The following RPL37A variants were observed in gnomAD, a reference collection of about 807,000 sequenced individuals.
RPL37A encodes the protein large ribosomal subunit protein eL43.
A neutral mutation model predicts 13.6 loss-of-function variants in RPL37A; 5 were observed. That is an observed-to-expected ratio of 0.37 (90% CI 0.19 to 0.78). RPL37A has a LOEUF of 0.78. Among genes scored for constraint, RPL37A ranks in the 30% least tolerant of loss-of-function variants. The pLI is 0.49. For missense variants in RPL37A, 77 were observed against 120.0 expected, an observed-to-expected ratio of 0.64 and a Z score of 1.67; for synonymous variants, 50 against 44.4, an observed-to-expected ratio of 1.13 and a Z score of -0.50.
Position 216,501,564 on chromosome 2 carries a change from C to A in RPL37A, c.*160C>A, listed in dbSNP as rs1351416354. ...CATGCCAAGATGGATTATTGTAATTCAGTGTCTTTTTTAGTAGTCAAATGG... is the reference window on the plus strand; with the variant it reads ...CATGCCAAGATGGATTATTGTAATTAAGTGTCTTTTTTAGTAGTCAAATGG... On this transcript the variant is annotated 3_prime_UTR_variant, in exon 4 of 4. Coordinates refer to ENST00000491306, the MANE Select transcript of RPL37A (RefSeq NM_000998.5). The A allele has an allele frequency of 9.5e-6, 5 of 524,536 alleles. No individual in the cohort carries two copies. The highest frequency in any genetic ancestry group is 1.3e-5 in the Non-Finnish European group (4 of 296,438). 32.5% of individuals were successfully genotyped at this position (524,536 alleles called of 1,614,324 possible).
At position 216,499,213 on chromosome 2, in the gene RPL37A, TC is replaced by T. The variant is rs1559144633; in HGVS notation, c.4-55del. 10 of 1,578,930 alleles carry T rather than the reference TC, an allele frequency of 6.3e-6. No homozygotes were observed. The East Asian group carries it at 1.8e-4, about 28-fold the overall frequency. On this transcript the variant is annotated intron_variant, in intron 1 of 3. Transcript: ENST00000491306. ...AGGTGGAGGAACGGTGTGTGGAGGCTCCAGGGCCTGCCTGGGTTCCAGGTCT... is the reference window on the plus strand; with the variant it reads ...AGGTGGAGGAACGGTGTGTGGAGGCTCAGGGCCTGCCTGGGTTCCAGGTCT...
At chr2:216,499,424 G>C in intron 2 of RPL37A, 26 bp downstream of exon 2, 1 of 1,611,956 alleles carries the variant, frequency 6.2e-7, no homozygotes, top group Non-Finnish European at 8.5e-7. Flanking sequence ...TCTCTGGTGA[G>C]AGGAGAGGGA....
At chr2:216,499,618 T>C (rs1472245094) in intron 2 of RPL37A, 1 of 652,202 alleles carries the variant, frequency 1.5e-6, no homozygotes, top group African/African-American at 1.8e-5. Context: ...ATGGGTAAAA[T>C]AATCATTTGA....
intron 2 of RPL37A, 125 bp from the exon 3 acceptor site, chr2:216,499,824 T>C (rs1260361798): frequency 1.2e-6 from 1 of 850,214 alleles, no homozygotes; most frequent in Non-Finnish European, 2.0e-6. Flanking sequence ...CCCTGTTTTG[T>C]TTTTGAGGGA....
At chr2:216,500,128 G>A in intron 3 of RPL37A, 97 bp downstream of exon 3, 1 of 863,274 alleles carries the variant, frequency 1.2e-6, no homozygotes, top group South Asian at 1.4e-5. Context: ...ACTTTCTCAG[G>A]ACTGAGAGAA....
chr2:216,502,172 C>T lies in RPL37A; in HGVS notation c.*768C>T, dbSNP rs769634369. 6.6e-6 allele frequency: 1 copy of T among 151,636 alleles called. No homozygotes were observed. Among genetic ancestry groups the T allele is most frequent in the Non-Finnish European group, 1.5e-5 (1 of 67,952 alleles). The allele number at this position is 151,636 out of a possible 1,614,324, so 9.4% of individuals were successfully genotyped here. On this transcript the variant is annotated 3_prime_UTR_variant, in exon 4 of 4. Coordinates refer to ENST00000491306, the MANE Select transcript of RPL37A (RefSeq NM_000998.5). ...CAAAAACCCGTCTCGACGAAAAATA[C>T]AAAAAATAGCTTGGTATGGTGGCAC...
rs763808936 is a variant in RPL37A at position 216,499,951 on chromosome 2, C to G, written c.135C>G (p.Thr45=). ...AKYTCSFCGK[T]KMKRRAVGIW... is the part of the protein sequence containing the mutation. ...TGAAAATTGGTTCTCTTTTATAGAC[C>G]AAGATGAAGAGACGAGCTGTGGGGA... Residue 45 remains threonine (T), a splice_region_variant and synonymous_variant, in exon 3 of 4, where the codon ACC becomes ACG. Transcript: ENST00000491306. 1 of 1,613,448 alleles carries G rather than the reference C, an allele frequency of 6.2e-7. No homozygotes were observed. The highest frequency in any genetic ancestry group is 8.5e-7 in the Non-Finnish European group (1 of 1,179,450).
rs284572 is a variant in RPL37A, at chr2:216,499,816, C to A, written c.133-133C>A. On this transcript the variant is annotated intron_variant, in intron 2 of 3. Coordinates refer to ENST00000491306, the MANE Select transcript of RPL37A (RefSeq NM_000998.5). Reference sequence around the variant, plus strand: ...GCAAAATACTGCATTACAGCAATCCCTGTTTTGTTTTTGAGGGAGAAAGGG... The same window carrying A: ...GCAAAATACTGCATTACAGCAATCCATGTTTTGTTTTTGAGGGAGAAAGGG... The A allele has an allele frequency of 4.9e-5, 39 of 798,402 alleles. No individual in the cohort carries two copies. The African/African-American group carries it at 6.1e-4, about 12-fold the overall frequency. The allele number at this position is 798,402 out of a possible 1,614,324, so 49.5% of individuals were successfully genotyped here. A position where few individuals can be genotyped will look rare whatever the true frequency, so the allele number is the denominator to read the frequency against.
At chr2:216,499,126 G>C in intron 1 of RPL37A, 144 bp from the exon 2 acceptor site, 2 of 1,254,614 alleles carry the variant, frequency 1.6e-6, no homozygotes, top group Non-Finnish European at 2.2e-6. Flanking sequence ...CACTGGTTTC[G>C]TTGGGTTGAA....
chr2:216,499,919 T>A (rs749586898), intron 2 of RPL37A, 30 bp from the exon 3 acceptor site: 3 of 1,571,184 alleles, frequency 1.9e-6, no homozygotes, highest in South Asian at 1.1e-5. Flanking sequence ...ACTTACTTGG[T>A]TCATAGTGAA....
rs1244471646 is a variant in RPL37A at position 216,502,794 on chromosome 2, C to G, written c.*1390C>G. 6.6e-6 allele frequency: 1 copy of G among 152,184 alleles called. No homozygotes were observed. Among genetic ancestry groups the G allele is most frequent in the Non-Finnish European group, 1.5e-5 (1 of 68,046 alleles). 9.4% of individuals were successfully genotyped at this position (152,184 alleles called of 1,614,324 possible). ...AACCTTTATTTCACTTGGTCTGACCCCTATCTTCTATAACTTGTTTTTTTG... is the reference window on the plus strand; with the variant it reads ...AACCTTTATTTCACTTGGTCTGACCGCTATCTTCTATAACTTGTTTTTTTG... On this transcript the variant is annotated 3_prime_UTR_variant, in exon 4 of 4. Transcript: ENST00000491306.
chr2:216,501,187 C>T, intron 3 of RPL37A, 154 bp from the exon 4 acceptor site: 1 of 574,162 alleles, frequency 1.7e-6, no homozygotes. Flanking sequence ...GGATTGACTG[C>T]AGCAAAGTAT....
rs1296876453 is a variant in RPL37A, at chr2:216,502,979, G to GTA, written c.*1576_*1577dup. On this transcript the variant is annotated 3_prime_UTR_variant, in exon 4 of 4. Coordinates refer to ENST00000491306, the MANE Select transcript of RPL37A (RefSeq NM_000998.5). ...TGGATCTCATTTGTGTCACAAAATG[G>GTA]TACTCCTACTGATTTTGTAATGTGA... 7 of 152,218 alleles carry GTA rather than the reference G, an allele frequency of 4.6e-5. No individual in the cohort carries two copies. The highest frequency in any genetic ancestry group is 1.4e-4 in the African/African-American group (6 of 41,528). 9.4% of individuals were successfully genotyped at this position (152,218 alleles called of 1,614,324 possible). A position where few individuals can be genotyped will look rare whatever the true frequency, so the allele number is the denominator to read the frequency against.
intron 3 of RPL37A, chr2:216,501,068 T>G: frequency 7.6e-6 from 2 of 264,628 alleles, no homozygotes; most frequent in Non-Finnish European, 1.4e-5. Context: ...TGCATGAGAT[T>G]GTATGTCTAA....
rs1352053494 is a variant in RPL37A, at chr2:216,502,237, G to A, written c.*833G>A. 1 of 152,164 alleles carries A rather than the reference G, an allele frequency of 6.6e-6. No homozygotes were observed. The highest frequency in any genetic ancestry group is 2.4e-5 in the African/African-American group (1 of 41,456). 9.4% of individuals were successfully genotyped at this position (152,164 alleles called of 1,614,324 possible). A position where few individuals can be genotyped will look rare whatever the true frequency, so the allele number is the denominator to read the frequency against. ...AGCTACTTTGGAGGCTCAGGCACAAGAATCACTTGAACCTACGAGGCGGAG... is the reference window on the plus strand; with the variant it reads ...AGCTACTTTGGAGGCTCAGGCACAAAAATCACTTGAACCTACGAGGCGGAG... On this transcript the variant is annotated 3_prime_UTR_variant, in exon 4 of 4. Coordinates refer to ENST00000491306, the MANE Select transcript of RPL37A (RefSeq NM_000998.5).
At chr2:216,499,922 A>T (rs1254966695) in intron 2 of RPL37A, 27 bp from the exon 3 acceptor site, 1 of 1,576,760 alleles carries the variant, frequency 6.3e-7, no homozygotes, top group Admixed American at 1.7e-5. Context: ...TACTTGGTTC[A>T]TAGTGAAAAT....
In RPL37A at chr2:216,503,402, C is replaced by G. The variant is rs1004565070; in HGVS notation, c.*1998C>G. The G allele has an allele frequency of 6.6e-5, 10 of 152,002 alleles. No homozygotes were observed. The highest frequency in any genetic ancestry group is 2.4e-4 in the African/African-American group (10 of 41,392). 9.4% of individuals were successfully genotyped at this position (152,002 alleles called of 1,614,324 possible). A position where few individuals can be genotyped will look rare whatever the true frequency, so the allele number is the denominator to read the frequency against. On this transcript the variant is annotated 3_prime_UTR_variant, in exon 4 of 4. Coordinates refer to ENST00000491306, the MANE Select transcript of RPL37A (RefSeq NM_000998.5). ...GGTTTTTATAATCAGTGAAGTACTG[C>G]TTTTTGTTTGTTTTCTGAGAGAGTG...
intron 3 of RPL37A, chr2:216,501,120 C>T (rs1695592424): frequency 4.8e-6 from 2 of 420,950 alleles, no homozygotes; most frequent in Admixed American, 8.3e-5. Flanking sequence ...AGGATGCCAT[C>T]ATGTAGTTTA....
In RPL37A at chr2:216,499,951, C is replaced by T. The variant is rs763808936; in HGVS notation, c.135C>T (p.Thr45=). Residue 45 remains threonine (T), a splice_region_variant and synonymous_variant, in exon 3 of 4, where the codon ACC becomes ACT. Transcript: ENST00000491306. Reference sequence around the variant, plus strand: ...TGAAAATTGGTTCTCTTTTATAGACCAAGATGAAGAGACGAGCTGTGGGGA... The same window carrying T: ...TGAAAATTGGTTCTCTTTTATAGACTAAGATGAAGAGACGAGCTGTGGGGA... ...AKYTCSFCGK[T]KMKRRAVGIW... The T allele has an allele frequency of 1.9e-6, 3 of 1,613,330 alleles. No homozygotes were observed. Among genetic ancestry groups the T allele is most frequent in the Non-Finnish European group, 2.5e-6 (3 of 1,179,458 alleles).
Sources: allele counts gnomAD v4.1 joint callset, GRCh38; gene constraint gnomAD v4.1.1; transcripts MANE v1.5; gene names NCBI Gene and HGNC (gene_info 2026-07-23, HGNC 2026-07-21).